PRRT2: variants seen among roughly 807,000 people sequenced by gnomAD.
PRRT2 encodes proline-rich transmembrane protein 2.
PRRT2 carries 9 observed loss-of-function variants against 24.7 expected under a neutral mutation model. The observed-to-expected ratio is 0.36, with a 90% CI of 0.22 to 0.64. The LOEUF is 0.64. PRRT2 is among the 30% of genes least tolerant of loss of function. PRRT2 has a pLI of 0.65. For missense variants in PRRT2, 460 were observed against 435.0 expected, an observed-to-expected ratio of 1.06 and a Z score of -0.51; for synonymous variants, 195 against 175.5, an observed-to-expected ratio of 1.11 and a Z score of -0.88.
chr16:29,813,694 GCCC>G lies in PRRT2; in HGVS notation c.647_649del (p.Pro216del). 6.6e-7 allele frequency: 1 copy of G among 1,505,466 alleles called. No individual in the cohort carries two copies. Among genetic ancestry groups the G allele is most frequent in the Non-Finnish European group, 9.0e-7 (1 of 1,105,670 alleles). The allele number at this position is 1,505,466 out of a possible 1,614,324, so 93.3% of individuals were successfully genotyped here. On this transcript the variant is annotated inframe_deletion, in exon 2 of 4. Coordinates refer to ENST00000358758, the MANE Select transcript of PRRT2 (RefSeq NM_145239.3). ...AAAAAAATCCCCCCCAGCCAATGGG[GCCC>G]CCCCCCGAGTGCTGCAGCAGCTGGT...
At position 29,813,934 on chromosome 16, in the gene PRRT2, G is replaced by A; in HGVS notation, c.879+1G>A. 1.3e-6 allele frequency: 2 copies of A among 1,582,810 alleles called. No homozygotes were observed. Among genetic ancestry groups the A allele is most frequent in the Non-Finnish European group, 1.7e-6 (2 of 1,163,716 alleles). ...CGTGGCCTTCGCTTATGCTGTCATGGTGAGCCCCATGGGACCCTAGCCCAG... is the reference window on the plus strand; with the variant it reads ...CGTGGCCTTCGCTTATGCTGTCATGATGAGCCCCATGGGACCCTAGCCCAG... On this transcript the variant is annotated splice_donor_variant, in intron 2 of 3. Transcript: ENST00000358758. LOFTEE classifies it high-confidence loss of function.
rs1489795896 is a variant in PRRT2 at position 29,815,794 on chromosome 16, A to G, written c.*1156A>G. 1 of 143,234 alleles carries G rather than the reference A, an allele frequency of 7.0e-6. No homozygotes were observed. Among genetic ancestry groups the G allele is most frequent in the Non-Finnish European group, 1.5e-5 (1 of 64,916 alleles). 8.9% of individuals were successfully genotyped at this position (143,234 alleles called of 1,614,324 possible). A position where few individuals can be genotyped will look rare whatever the true frequency, so the allele number is the denominator to read the frequency against. On this transcript the variant is annotated 3_prime_UTR_variant, in exon 4 of 4. Transcript: ENST00000358758. ...AACTAAAATTCTTAAAAAAAAAAAA[A>G]AAAGGCTATTATCAAACTGATTTCT... is the stretch of plus-strand genomic sequence containing the variant.
chr16:29,814,623 C>G lies in PRRT2; in HGVS notation c.1013-5C>G, dbSNP rs2142430404. On this transcript the variant is annotated splice_polypyrimidine_tract_variant and splice_region_variant and intron_variant, in intron 3 of 3. Transcript: ENST00000358758. The surrounding 1 kb of genome is among the most constrained non-coding windows in gnomAD (Gnocchi z 4.1). Reference sequence around the variant, plus strand: ...CCGTCTGTCCTTCCCTCTCCTCTCCCACAGTGTATAAGTGAGGGGCTCTGC... The same window carrying G: ...CCGTCTGTCCTTCCCTCTCCTCTCCGACAGTGTATAAGTGAGGGGCTCTGC... 2 of 1,613,080 alleles carry G rather than the reference C, an allele frequency of 1.2e-6. No individual in the cohort carries two copies. The highest frequency in any genetic ancestry group is 1.6e-4 in the Middle Eastern group (1 of 6,062).
At position 29,814,566 on chromosome 16, in the gene PRRT2, T is replaced by G. The variant is rs546982581; in HGVS notation, c.1013-62T>G. ...CTCTCTCCTGTCTGTCCTCCTTACC[T>G]CTCCTTTGTCTCTCCTTGTCTCCCC... is the stretch of plus-strand genomic sequence containing the variant. On this transcript the variant is annotated intron_variant, in intron 3 of 3. Transcript: ENST00000358758. This position sits in a 1 kb window ranked among gnomAD's most constrained non-coding sequence, Gnocchi z 4.1. 380 of 1,610,020 alleles carry G rather than the reference T, an allele frequency of 2.4e-4. 3 individuals are homozygous for G. In the South Asian group the frequency reaches 4.0e-3, roughly 17 times the overall value.
chr16:29,813,601 G>C lies in PRRT2; in HGVS notation c.547G>C (p.Ala183Pro), dbSNP rs770599131. 11 of 1,613,354 alleles carry C rather than the reference G, an allele frequency of 6.8e-6. No individual in the cohort carries two copies. The highest frequency in any genetic ancestry group is 1.7e-5 in the Admixed American group (1 of 59,952). The change falls in exon 2 of 4, where the codon GCA becomes CCA. Residue 183 changes from alanine to proline, a missense_variant. Ala to Pro is a conservative substitution (Grantham distance 27, BLOSUM62 -1). Transcript: ENST00000358758. Reference sequence around the variant, plus strand: ...TGTAGGGGAAAAGCAAGAGAATGGGGCAGTGGTGCCCCTGCAGGCTGGTGA... The same window carrying C: ...TGTAGGGGAAAAGCAAGAGAATGGGCCAGTGGTGCCCCTGCAGGCTGGTGA... The part of the protein sequence containing the change: ...ESVGEKQENG[A>P]VVPLQAGDGE...
intron 2 of PRRT2, 52 bp downstream of exon 2, chr16:29,813,985 C>G (rs1900120737): frequency 6.5e-7 from 1 of 1,531,230 alleles, no homozygotes; most frequent in Non-Finnish European, 8.8e-7. Context: ...CAGCTTCCCG[C>G]CAGCGCTGCA....
rs771049851 is a variant in PRRT2 at position 29,813,038 on chromosome 16, C to G, written c.-17C>G. 18 of 1,581,868 alleles carry G rather than the reference C, an allele frequency of 1.1e-5. No individual in the cohort carries two copies. Among genetic ancestry groups the G allele is most frequent in the Non-Finnish European group, 1.5e-5 (18 of 1,165,560 alleles). Reference sequence around the variant, plus strand: ...CCATCCTCCCCATAGGGGCTCTCTCCCCTCTCCCATCTCAAGATGGCAGCC... The same window carrying G: ...CCATCCTCCCCATAGGGGCTCTCTCGCCTCTCCCATCTCAAGATGGCAGCC... On this transcript the variant is annotated 5_prime_UTR_variant, in exon 2 of 4. Transcript: ENST00000358758.
At position 29,814,578 on chromosome 16, in the gene PRRT2, C is replaced by G; in HGVS notation, c.1013-50C>G. On this transcript the variant is annotated intron_variant, in intron 3 of 3. Coordinates refer to ENST00000358758, the MANE Select transcript of PRRT2 (RefSeq NM_145239.3). The surrounding 1 kb of genome is among the most constrained non-coding windows in gnomAD (Gnocchi z 4.1). ...TGTCCTCCTTACCTCTCCTTTGTCT[C>G]TCCTTGTCTCCCCCTCCCCCCGTCT... The G allele has an allele frequency of 6.2e-7, 1 of 1,609,854 alleles. No homozygotes were observed. The highest frequency in any genetic ancestry group is 8.5e-7 in the Non-Finnish European group (1 of 1,176,666).
In PRRT2 at chr16:29,814,629, G is replaced by A; in HGVS notation, c.1014G>A (p.Val338=). Residue 338 remains valine, a splice_region_variant and synonymous_variant, in exon 4 of 4, where the codon GTG becomes GTA. Coordinates refer to ENST00000358758, the MANE Select transcript of PRRT2 (RefSeq NM_145239.3). The surrounding 1 kb of genome is among the most constrained non-coding windows in gnomAD (Gnocchi z 4.1). The part of the protein sequence containing the change: ...IIASCVINLG[V]YK ...GTCCTTCCCTCTCCTCTCCCACAGT[G>A]TATAAGTGAGGGGCTCTGCCCCGCA... 1.9e-6 allele frequency: 3 copies of A among 1,611,926 alleles called. No individual in the cohort carries two copies. The highest frequency in any genetic ancestry group is 1.7e-6 in the Non-Finnish European group (2 of 1,179,018).
Position 29,813,029 on chromosome 16 carries a change from G to A in PRRT2, c.-26G>A. ...TCTGCTATTCCATCCTCCCCATAGG[G>A]GCTCTCTCCCCTCTCCCATCTCAAG... On this transcript the variant is annotated 5_prime_UTR_variant, in exon 2 of 4. Transcript: ENST00000358758. 1.3e-6 allele frequency: 2 copies of A among 1,569,626 alleles called. No individual in the cohort carries two copies. The highest frequency in any genetic ancestry group is 1.2e-5 in the South Asian group (1 of 83,422).
Position 29,815,121 on chromosome 16 carries a change from T to TTTCCTCTCCACGTCCCGCCCCC in PRRT2, c.*491_*512dup, listed in dbSNP as rs1223903000. 1 of 162,062 alleles carries TTTCCTCTCCACGTCCCGCCCCC rather than the reference T, an allele frequency of 6.2e-6. No individual in the cohort carries two copies. The highest frequency in any genetic ancestry group is 1.3e-5 in the Non-Finnish European group (1 of 74,276). The allele number at this position is 162,062 out of a possible 1,614,324, so 10.0% of individuals were successfully genotyped here. On this transcript the variant is annotated 3_prime_UTR_variant, in exon 4 of 4. Coordinates refer to ENST00000358758, the MANE Select transcript of PRRT2 (RefSeq NM_145239.3). ...TCCTTCCCTTCTTTATCATCTCCCC[T>TTTCCTCTCCACGTCCCGCCCCC]TTCCTCTCCACGTCCCGCCCCCTTC...
intron 1 of PRRT2, 126 bp from the exon 2 acceptor site, chr16:29,812,864 A>G (rs748421222): frequency 1.7e-6 from 1 of 589,668 alleles, no homozygotes; most frequent in Non-Finnish European, 2.9e-6. Context: ...AGGAAACCCC[A>G]ACTTTTCTTC....
At position 29,814,006 on chromosome 16, in the gene PRRT2, T is replaced by C. The variant is rs1385885926; in HGVS notation, c.879+73T>C. On this transcript the variant is annotated intron_variant, in intron 2 of 3. Transcript: ENST00000358758. This position sits in a 1 kb window ranked among gnomAD's most constrained non-coding sequence, Gnocchi z 4.1. The stretch of plus-strand genomic sequence containing the variant: ...CCCGCCAGCGCTGCAATAGAGCCTC[T>C]GGAGTAATCATGCCTTCCTTCCCCT... The C allele has an allele frequency of 4.0e-6, 6 of 1,518,178 alleles. No individual in the cohort carries two copies. The highest frequency in any genetic ancestry group is 5.3e-6 in the Non-Finnish European group (6 of 1,136,784). The allele number at this position is 1,518,178 out of a possible 1,614,324, so 94.0% of individuals were successfully genotyped here. A position where few individuals can be genotyped will look rare whatever the true frequency, so the allele number is the denominator to read the frequency against.
At chr16:29,812,918 T>C in intron 1 of PRRT2, 72 bp from the exon 2 acceptor site, 1 of 894,090 alleles carries the variant, frequency 1.1e-6, no homozygotes, top group South Asian at 1.7e-5. Context: ...GACAGGAATG[T>C]GGCCCAATTG....
rs1238072629 is a variant in PRRT2, at chr16:29,814,812, C to T, written c.*174C>T. 1 of 672,028 alleles carries T rather than the reference C, an allele frequency of 1.5e-6. No individual in the cohort carries two copies. Among genetic ancestry groups the T allele is most frequent in the Non-Finnish European group, 2.5e-6 (1 of 400,716 alleles). The allele number at this position is 672,028 out of a possible 1,614,324, so 41.6% of individuals were successfully genotyped here. A position where few individuals can be genotyped will look rare whatever the true frequency, so the allele number is the denominator to read the frequency against. On this transcript the variant is annotated 3_prime_UTR_variant, in exon 4 of 4. Transcript: ENST00000358758. The surrounding 1 kb of genome is among the most constrained non-coding windows in gnomAD (Gnocchi z 4.1). ...TGCTCCTGCATCTTGCCAGGCTCCT[C>T]TGCCAACTGTAGGCCTGCCTCATCC... is the stretch of plus-strand genomic sequence containing the variant.
rs556327094 is a variant in PRRT2 at position 29,814,166 on chromosome 16, G to A, written c.880-167G>A. ...ATGGAAACACGTGTCACACAGCCTC[G>A]CTGACCTGTGCCCTCCTCCCCCTGC... On this transcript the variant is annotated intron_variant, in intron 2 of 3. Transcript: ENST00000358758. The surrounding 1 kb of genome is among the most constrained non-coding windows in gnomAD (Gnocchi z 4.1). 16 of 1,491,444 alleles carry A rather than the reference G, an allele frequency of 1.1e-5. No individual in the cohort carries two copies. Among genetic ancestry groups the A allele is most frequent in the East Asian group, 4.6e-5 (2 of 43,172 alleles). 92.4% of individuals were successfully genotyped at this position (1,491,444 alleles called of 1,614,324 possible).
chr16:29,814,144 G>A lies in PRRT2; in HGVS notation c.880-189G>A. On this transcript the variant is annotated intron_variant, in intron 2 of 3. Coordinates refer to ENST00000358758, the MANE Select transcript of PRRT2 (RefSeq NM_145239.3). This position sits in a 1 kb window ranked among gnomAD's most constrained non-coding sequence, Gnocchi z 4.1. ...TGCCCCTTTGGGTGGGAGGGATATG[G>A]AAACACGTGTCACACAGCCTCGCTG... 6.7e-7 allele frequency: 1 copy of A among 1,487,616 alleles called. No individual in the cohort carries two copies. Among genetic ancestry groups the A allele is most frequent in the South Asian group, 1.4e-5 (1 of 72,902 alleles). The allele number at this position is 1,487,616 out of a possible 1,614,324, so 92.2% of individuals were successfully genotyped here.
In PRRT2 at chr16:29,812,304, G is replaced by GTC. The variant is rs1429132683; in HGVS notation, c.-84_-83dup. ...AAAGCCAGCAGCGGCAGCGGGAGCT[G>GTC]TCCGGAGGCCGGCGTCGAGGTGAGA... On this transcript the variant is annotated 5_prime_UTR_variant, in exon 1 of 4. Coordinates refer to ENST00000358758, the MANE Select transcript of PRRT2 (RefSeq NM_145239.3). 2 of 157,658 alleles carry GTC rather than the reference G, an allele frequency of 1.3e-5. No homozygotes were observed. Among genetic ancestry groups the GTC allele is most frequent in the African/African-American group, 4.8e-5 (2 of 41,478 alleles). 9.8% of individuals were successfully genotyped at this position (157,658 alleles called of 1,614,324 possible). A position where few individuals can be genotyped will look rare whatever the true frequency, so the allele number is the denominator to read the frequency against.
In PRRT2 at chr16:29,814,929, T is replaced by G. The variant is rs1011810153; in HGVS notation, c.*291T>G. On this transcript the variant is annotated 3_prime_UTR_variant, in exon 4 of 4. Coordinates refer to ENST00000358758, the MANE Select transcript of PRRT2 (RefSeq NM_145239.3). This position sits in a 1 kb window ranked among gnomAD's most constrained non-coding sequence, Gnocchi z 4.1. ...TGCACTTCTGGAAACCTCCCTGCAC[T>G]CTGGAAACCTCCCTGAACACCTCCC... The G allele has an allele frequency of 2.3e-6, 1 of 434,066 alleles. No homozygotes were observed. Among genetic ancestry groups the G allele is most frequent in the Admixed American group, 4.1e-5 (1 of 24,466 alleles). 26.9% of individuals were successfully genotyped at this position (434,066 alleles called of 1,614,324 possible).
Sources: allele counts gnomAD v4.1 joint callset, GRCh38; gene constraint gnomAD v4.1.1; non-coding constraint Gnocchi (gnomAD v3.1); transcripts MANE v1.5; gene names NCBI Gene and HGNC (gene_info 2026-07-23, HGNC 2026-07-21).